Variants in MEGF10 observed in about 807,000 individuals in gnomAD.
The protein encoded by MEGF10 is multiple epidermal growth factor-like domains protein 10.
A neutral mutation model predicts 147.5 loss-of-function variants in MEGF10; 86 were observed. That is an observed-to-expected ratio of 0.58 (90% CI 0.49 to 0.70). MEGF10 has a LOEUF of 0.70. Among genes scored for constraint, MEGF10 ranks in the 30% least tolerant of loss-of-function variants. MEGF10 has a pLI of 0.00. For missense variants in MEGF10, 1,329 were observed against 1,487.3 expected, an observed-to-expected ratio of 0.89 and a Z score of 1.75; for synonymous variants, 478 against 525.5, an observed-to-expected ratio of 0.91 and a Z score of 1.24.
intron 13 of MEGF10, among the ~76,000 whole-genome samples, 186 bp from the exon 14 acceptor site, chr5:127,433,177 C>A (rs931394767): frequency 2.0e-5 from 3 of 152,106 alleles, no homozygotes; most frequent in African/African-American, 4.8e-5. Context: ...CATAGAAAAT[C>A]GGTCTGGGTA....
At chr5:127,429,867 A>G (rs1178797964) in intron 13 of MEGF10, among the ~76,000 whole-genome samples, 2 of 152,072 alleles carry the variant, frequency 1.3e-5, no homozygotes, top group Non-Finnish European at 2.9e-5. Context: ...CTTCCTTCTT[A>G]AAATTGTTCA....
chr5:127,257,091 C>T, the MEGF10 span, among the ~76,000 whole-genome samples: 1 of 152,018 alleles, frequency 6.6e-6, no homozygotes, highest in Non-Finnish European at 1.5e-5. Context: ...AGGTGAGAGG[C>T]AGAACTTCAT....
chr5:127,268,364 C>T, the MEGF10 span, among the ~76,000 whole-genome samples: 2 of 152,070 alleles, frequency 1.3e-5, 1 homozygote, highest in South Asian at 4.1e-4. Flanking sequence ...GGAATAAGTG[C>T]GATGTGGTTC....
the MEGF10 span, among the ~76,000 whole-genome samples, chr5:127,247,889 A>C: frequency 2.0e-5 from 3 of 152,178 alleles, no homozygotes; most frequent in East Asian, 5.8e-4. Flanking sequence ...AAAGTCCCAG[A>C]AGTCTGTGTA....
the MEGF10 span, among the ~76,000 whole-genome samples, chr5:127,266,928 G>T: frequency 1.3e-5 from 2 of 152,128 alleles, no homozygotes; most frequent in African/African-American, 4.8e-5. Flanking sequence ...TCTCCTGCCT[G>T]ATTTCCCTGG....
chr5:127,266,597 T>G, the MEGF10 span, among the ~76,000 whole-genome samples: 2 of 152,188 alleles, frequency 1.3e-5, no homozygotes, highest in African/African-American at 4.8e-5. Context: ...TTTATTTTAT[T>G]GAGCAGTGGT....
At chr5:127,410,686 G>A (rs1764525141) in intron 9 of MEGF10, 85 bp downstream of exon 9, 5 of 1,268,262 alleles carry the variant, frequency 3.9e-6, no homozygotes, top group Non-Finnish European at 5.5e-6. Context: ...GATTGATAGA[G>A]TGATTCTCAC....
rs538735988 is a variant in MEGF10 at position 127,455,929 on chromosome 5, C to T, written c.3232+322C>T. 7.2e-5 allele frequency among the ~76,000 whole-genome samples: 11 copies of T among 151,956 alleles called. No individual in the cohort carries two copies. The South Asian group carries it at 1.2e-3, about 17-fold the overall frequency. On this transcript the variant is annotated intron_variant, in intron 24 of 24. Transcript: ENST00000503335. ...TAATTTTTTGTATTTTGGGTAGAGA[C>T]GGGGTTTTGTCACCATATTTTATTA... is the stretch of plus-strand genomic sequence containing the variant.
intron 5 of MEGF10, among the ~76,000 whole-genome samples, chr5:127,375,949 A>G (rs1478787193): frequency 6.6e-6 from 1 of 152,250 alleles, no homozygotes; most frequent in Non-Finnish European, 1.5e-5. Flanking sequence ...AAAGGAACAA[A>G]TGAGTAATGG....
At chr5:127,348,483 C>T (rs886866848) in intron 4 of MEGF10, among the ~76,000 whole-genome samples, 9 of 152,016 alleles carry the variant, frequency 5.9e-5, no homozygotes, top group Non-Finnish European at 8.8e-5. Context: ...ATACAATAAG[C>T]CAGGTCACCC....
intron 17 of MEGF10, 33 bp downstream of exon 17, chr5:127,438,600 G>C: frequency 6.2e-7 from 1 of 1,609,680 alleles, no homozygotes; most frequent in Non-Finnish European, 8.5e-7. Flanking sequence ...CTCACCAAGG[G>C]GAGCCTTGTC....
intron 2 of MEGF10, among the ~76,000 whole-genome samples, chr5:127,335,762 T>C (rs1761445735): frequency 6.6e-6 from 1 of 151,968 alleles, no homozygotes; most frequent in Admixed American, 6.6e-5. Flanking sequence ...AACCAAAAAC[T>C]AAAACCTCCT....
intron 2 of MEGF10, among the ~76,000 whole-genome samples, chr5:127,332,848 A>G (rs1761316389): frequency 6.6e-6 from 1 of 152,168 alleles, no homozygotes; most frequent in Non-Finnish European, 1.5e-5. Context: ...TTAGTAAAGG[A>G]AGAGACCATT....
intron 12 of MEGF10, among the ~76,000 whole-genome samples, chr5:127,422,240 G>T (rs1378227853): frequency 6.6e-6 from 1 of 152,116 alleles, no homozygotes; most frequent in Non-Finnish European, 1.5e-5. Context: ...CATCCCTCTG[G>T]CTGGGTGCGG....
rs548393421 is a variant in MEGF10 at position 127,295,664 on chromosome 5, C to G, written c.-19+4608C>G. On this transcript the variant is annotated intron_variant, in intron 1 of 24. Transcript: ENST00000503335. Reference sequence around the variant, plus strand: ...ACAACATAAAAAGTTCATTCATTAGCTGGCATCTGAGTGTCATCATGACAC... The same window carrying G: ...ACAACATAAAAAGTTCATTCATTAGGTGGCATCTGAGTGTCATCATGACAC... Among the ~76,000 whole-genome samples, 3 of 152,286 alleles carry G rather than the reference C, an allele frequency of 2.0e-5. No homozygotes were observed. The South Asian group carries it at 6.2e-4, about 32-fold the overall frequency.
At chr5:127,430,006 G>A (rs1169293327) in intron 13 of MEGF10, among the ~76,000 whole-genome samples, 1 of 152,114 alleles carries the variant, frequency 6.6e-6, no homozygotes, top group Non-Finnish European at 1.5e-5. Context: ...AGTTTTAGCT[G>A]TACCCAACAC....
At position 127,369,993 on chromosome 5, in the gene MEGF10, T is replaced by G; in HGVS notation, c.403T>G (p.Cys135Gly). 1 of 1,613,038 alleles carries G rather than the reference T, an allele frequency of 6.2e-7. No individual in the cohort carries two copies. Among genetic ancestry groups the G allele is most frequent in the Non-Finnish European group, 8.5e-7 (1 of 1,179,230 alleles). The change falls in exon 5 of 25, where the codon TGC becomes GGC. Residue 135 changes from cysteine (C) to glycine (G), a missense_variant. Cys to Gly is a radical substitution (Grantham distance 159). Transcript: ENST00000503335. ...TGAGCCTGGCTGGGGAGGGACCAAC[T>G]GCTCCAGTGGTAAGTTTCCACCTGC... ...QCEPGWGGTN[C>G]SSACDGDHWG... is the part of the protein sequence containing the mutation.
the MEGF10 span, among the ~76,000 whole-genome samples, chr5:127,274,699 A>G: frequency 6.6e-6 from 1 of 152,152 alleles, no homozygotes; most frequent in African/African-American, 2.4e-5. Context: ...AAAAGTAATT[A>G]CTGAGATTGT....
chr5:127,268,617 C>A, the MEGF10 span, among the ~76,000 whole-genome samples: 1 of 152,198 alleles, frequency 6.6e-6, no homozygotes, highest in Non-Finnish European at 1.5e-5. Flanking sequence ...GAGCCCACCG[C>A]AACTCAAGGA....
Sources: allele counts gnomAD v4.1 joint callset (sites outside exome capture counted in the v4.1 genomes callset), GRCh38; gene constraint gnomAD v4.1.1; transcripts MANE v1.5; gene names NCBI Gene and HGNC (gene_info 2026-07-23, HGNC 2026-07-21).